Variants in SBF2 observed in about 807,000 individuals in gnomAD.
The protein encoded by SBF2 is myotubularin-related protein 13.
Under a neutral mutation model 225.2 loss-of-function variants are expected in SBF2, and 112 were observed. That is an observed-to-expected ratio of 0.50 (90% CI 0.43 to 0.58). The LOEUF (loss-of-function observed/expected upper bound fraction) is 0.58, where lower values mean the gene tolerates loss of function less well. SBF2 is among the 20% of genes least tolerant of loss of function. The probability of loss-of-function intolerance (pLI) is 0.00; values close to 1 mark genes in which losing one functional copy is unlikely to be tolerated. For synonymous variants in SBF2, 763 were observed against 773.3 expected (o/e 0.99, Z 0.22); for missense variants, 1,996 against 2,206.2 (o/e 0.90, Z 1.91).
intron 2 of SBF2, among the ~76,000 whole-genome samples, chr11:10,150,415 A>T (rs1054785358): frequency 1.3e-5 from 2 of 152,160 alleles, no homozygotes; most frequent in South Asian, 4.1e-4. Context: ...CCAAATGTCA[A>T]CATAAAAGAT....
At chr11:10,041,028 G>A (rs1022958246) in intron 3 of SBF2, among the ~76,000 whole-genome samples, 1 of 151,932 alleles carries the variant, frequency 6.6e-6, no homozygotes, top group Admixed American at 6.6e-5. Flanking sequence ...AGTTTGTCTA[G>A]AAGAAGAGGG....
Position 9,902,433 on chromosome 11 carries a change from C to T in SBF2, c.1861-6422G>A, listed in dbSNP as rs994037241. Among the ~76,000 whole-genome samples, 73 of 152,310 alleles carry T rather than the reference C, an allele frequency of 4.8e-4. 1 individual carries two copies. The highest frequency in any genetic ancestry group is 2.8e-4 in the Non-Finnish European group (19 of 68,026). Reference sequence around the variant, plus strand: ...CACAAGATATCCCACCTCTTTAGGACGAACCAAGGTACACCTTCCATGTAT... The same window carrying T: ...CACAAGATATCCCACCTCTTTAGGATGAACCAAGGTACACCTTCCATGTAT... On this transcript the variant is annotated intron_variant, in intron 16 of 39. Transcript: ENST00000256190.
chr11:9,906,207 TA>T (rs1268877536), intron 16 of SBF2, among the ~76,000 whole-genome samples: 2 of 152,236 alleles, frequency 1.3e-5, no homozygotes, highest in Non-Finnish European at 2.9e-5. Flanking sequence ...CCCAAGGCAA[TA>T]AAGTTCAACA....
intron 22 of SBF2, among the ~76,000 whole-genome samples, chr11:9,847,936 A>G (rs900436382): frequency 6.6e-6 from 1 of 152,136 alleles, no homozygotes; most frequent in Non-Finnish European, 1.5e-5. Context: ...CTGGATAGAA[A>G]ATGATTTTTG....
intron 1 of SBF2, among the ~76,000 whole-genome samples, chr11:10,253,468 G>C (rs185290493): frequency 1.3e-5 from 2 of 152,008 alleles, no homozygotes; most frequent in African/African-American, 2.4e-5. Flanking sequence ...GCTTGGAAAC[G>C]CTTTTCTTAA....
intron 2 of SBF2, among the ~76,000 whole-genome samples, chr11:10,131,065 T>C (rs1431456418): frequency 6.6e-6 from 1 of 152,192 alleles, no homozygotes; most frequent in African/African-American, 2.4e-5. Context: ...TGCTGAGTCA[T>C]ATGGTTAAGT....
At chr11:10,196,864 A>T (rs201467488) in intron 1 of SBF2, among the ~76,000 whole-genome samples, 13,802 of 61,600 alleles carry the variant, frequency 0.22, 1,453 homozygotes, top group Admixed American at 0.33. Context: ...ATATATATAT[A>T]TATTTTTTTT....
intron 2 of SBF2, among the ~76,000 whole-genome samples, chr11:10,169,858 T>C (rs531108110): frequency 6.6e-6 from 1 of 152,334 alleles, no homozygotes; most frequent in Admixed American, 6.5e-5. Context: ...ACCTGTCTTT[T>C]GGATATAAGC....
chr11:10,131,228 T>C (rs553562947), intron 2 of SBF2, among the ~76,000 whole-genome samples: 1 of 125,456 alleles, frequency 8.0e-6, no homozygotes, highest in Non-Finnish European at 1.7e-5. Context: ...TGCCACTAAT[T>C]TTTTTTTTTT....
At position 9,892,516 on chromosome 11, in the gene SBF2, T is replaced by G. The variant is rs528170408; in HGVS notation, c.1929+3427A>C. Among the ~76,000 whole-genome samples, 10 of 151,986 alleles carry G rather than the reference T, an allele frequency of 6.6e-5. No individual in the cohort carries two copies. The South Asian group carries it at 2.1e-3, about 32-fold the overall frequency. On this transcript the variant is annotated intron_variant, in intron 17 of 39. Coordinates refer to ENST00000256190, the MANE Select transcript of SBF2 (RefSeq NM_030962.4). Reference sequence around the variant, plus strand: ...AAGGTGGAAAAGGGAACTTTTACTTTGCATTTTGTTCCTTTCTGTACTATC... The same window carrying G: ...AAGGTGGAAAAGGGAACTTTTACTTGGCATTTTGTTCCTTTCTGTACTATC...
At chr11:10,136,206 A>G (rs190964667) in intron 2 of SBF2, among the ~76,000 whole-genome samples, 345 of 152,292 alleles carry the variant, frequency 2.3e-3, no homozygotes, top group Admixed American at 4.1e-3. Context: ...CCATGACTCA[A>G]TTACCTCCAC....
intron 6 of SBF2, among the ~76,000 whole-genome samples, chr11:10,019,053 C>T (rs535073770): frequency 1.1e-3 from 163 of 152,198 alleles, no homozygotes; most frequent in African/African-American, 3.7e-3. Context: ...AGTTTTAAAA[C>T]GATACCTGTT....
chr11:9,970,271 A>G (rs1028722174), intron 13 of SBF2, among the ~76,000 whole-genome samples: 6 of 150,536 alleles, frequency 4.0e-5, no homozygotes, highest in African/African-American at 1.2e-4. Context: ...CAGTGGCGTG[A>G]TCTCGGCTCA....
chr11:10,181,751 A>G (rs182813911), intron 2 of SBF2, among the ~76,000 whole-genome samples: 6 of 152,262 alleles, frequency 3.9e-5, no homozygotes, highest in African/African-American at 1.4e-4. Flanking sequence ...AGATATGAGT[A>G]TAATTCCAAG....
chr11:10,290,364 GAGA>G (rs1234638533), intron 1 of SBF2, among the ~76,000 whole-genome samples: 2 of 152,096 alleles, frequency 1.3e-5, no homozygotes, highest in Non-Finnish European at 2.9e-5. Flanking sequence ...ACAACAGAGT[GAGA>G]AGGATATCTT....
intron 2 of SBF2, among the ~76,000 whole-genome samples, chr11:10,070,768 G>A (rs939076653): frequency 5.9e-5 from 9 of 152,066 alleles, no homozygotes; most frequent in African/African-American, 7.2e-5. Flanking sequence ...CCATTTTCAC[G>A]GTATTGATTC....
intron 1 of SBF2, among the ~76,000 whole-genome samples, chr11:10,217,637 C>T (rs1295619403): frequency 1.3e-5 from 2 of 152,098 alleles, no homozygotes; most frequent in African/African-American, 4.8e-5. Flanking sequence ...TGAGATGCCT[C>T]TATCAGAGGC....
At chr11:10,099,283 G>A (rs1952178644) in intron 2 of SBF2, among the ~76,000 whole-genome samples, 1 of 152,200 alleles carries the variant, frequency 6.6e-6, no homozygotes, top group East Asian at 1.9e-4. Context: ...CCCTAAAAAT[G>A]TTACGGACCA....
At chr11:10,282,494 C>A (rs577098263) in intron 1 of SBF2, among the ~76,000 whole-genome samples, 1 of 152,106 alleles carries the variant, frequency 6.6e-6, no homozygotes, top group Non-Finnish European at 1.5e-5. Flanking sequence ...TGATTATAGA[C>A]CATCACCTTT....
Sources: allele counts gnomAD v4.1 joint callset (sites outside exome capture counted in the v4.1 genomes callset), GRCh38; gene constraint gnomAD v4.1.1; transcripts MANE v1.5; gene names NCBI Gene and HGNC (gene_info 2026-07-23, HGNC 2026-07-21).